BTBD10: variants seen among roughly 807,000 people sequenced by gnomAD.
BTBD10 encodes BTB domain containing 10.
Under a neutral mutation model 53.2 loss-of-function variants are expected in BTBD10, and 21 were observed. The ratio of observed to expected loss-of-function variants is 0.39; its 90% confidence interval spans 0.28 to 0.57. The LOEUF (loss-of-function observed/expected upper bound fraction) is 0.57, where lower values mean the gene tolerates loss of function less well. BTBD10 is among the 20% of genes least tolerant of loss of function. The probability of loss-of-function intolerance (pLI) is 0.53; values close to 1 mark genes in which losing one functional copy is unlikely to be tolerated. For missense variants in BTBD10, 360 were observed against 594.7 expected (o/e 0.61, Z 4.10); for synonymous variants, 149 against 192.7 (o/e 0.77, Z 1.88).
rs368273481 is a variant in BTBD10 at position 13,449,087 on chromosome 11, C to A, written c.-57-3906G>T. On this transcript the variant is annotated intron_variant, in intron 1 of 8. Coordinates refer to ENST00000278174, the MANE Select transcript of BTBD10 (RefSeq NM_032320.7). The stretch of plus-strand genomic sequence containing the variant: ...AGAAAAAGATGATGCAATTATTTCC[C>A]CTTCTCTTGGACATTCTGTCTAAAC... 1.1e-3 allele frequency among the ~76,000 whole-genome samples: 160 copies of A among 152,232 alleles called. 5 individuals are homozygous for A. The South Asian group carries it at 0.026, about 25-fold the overall frequency.
intron 4 of BTBD10, 56 bp downstream of exon 4, chr11:13,419,404 A>C (rs1356140360): frequency 6.4e-7 from 1 of 1,565,148 alleles, no homozygotes; most frequent in Non-Finnish European, 8.6e-7. Flanking sequence ...ACAAAAAAAT[A>C]ATGGCAGTAA....
chr11:13,446,061 G>A (rs1358184506), intron 1 of BTBD10, among the ~76,000 whole-genome samples: 3 of 152,086 alleles, frequency 2.0e-5, no homozygotes, highest in Non-Finnish European at 4.4e-5. Flanking sequence ...TCTTGATCTC[G>A]AAAAATGCTG....
intron 1 of BTBD10, among the ~76,000 whole-genome samples, chr11:13,460,281 C>CA (rs760857007): frequency 6.6e-6 from 1 of 152,186 alleles, no homozygotes; most frequent in Non-Finnish European, 1.5e-5. Context: ...GCACAATACA[C>CA]AAATGGGTAC....
intron 6 of BTBD10, among the ~76,000 whole-genome samples, chr11:13,406,118 A>G (rs1297375293): frequency 6.6e-6 from 1 of 152,166 alleles, no homozygotes; most frequent in Non-Finnish European, 1.5e-5. Context: ...TATCTTAAAG[A>G]TACTTTTCAG....
intron 8 of BTBD10, among the ~76,000 whole-genome samples, chr11:13,398,370 C>CTTTTTTG (rs1176190409): frequency 6.6e-6 from 1 of 151,608 alleles, no homozygotes; most frequent in African/African-American, 2.4e-5. Flanking sequence ...GAAACCCCTG[C>CTTTTTTG]CTTTTTTTGT....
At chr11:13,391,841 G>A (rs1450353439) in intron 8 of BTBD10, among the ~76,000 whole-genome samples, 2 of 152,232 alleles carry the variant, frequency 1.3e-5, no homozygotes, top group Non-Finnish European at 2.9e-5. Context: ...CTACTCGGGA[G>A]GCTGAGACAG....
intron 2 of BTBD10, among the ~76,000 whole-genome samples, chr11:13,425,705 C>T (rs11022818): frequency 0.16 from 23,897 of 151,932 alleles, 2,068 homozygotes; most frequent in Admixed American, 0.24. Context: ...TTATATATTA[C>T]CAAATGGTTA....
intron 1 of BTBD10, among the ~76,000 whole-genome samples, chr11:13,448,203 A>G (rs551480805): frequency 6.6e-6 from 1 of 152,264 alleles, no homozygotes; most frequent in African/African-American, 2.4e-5. Context: ...AGAAAGGGGA[A>G]AAAAGACACC....
chr11:13,397,438 CTTT>C (rs1949585277), intron 8 of BTBD10, among the ~76,000 whole-genome samples: 1 of 152,078 alleles, frequency 6.6e-6, no homozygotes, highest in Admixed American at 6.5e-5. Flanking sequence ...CTCTTTTCTT[CTTT>C]GTTTGTCTTG....
intron 2 of BTBD10, among the ~76,000 whole-genome samples, chr11:13,431,078 T>C (rs1380300314): frequency 6.6e-6 from 1 of 151,664 alleles, no homozygotes; most frequent in Non-Finnish European, 1.5e-5. Context: ...AATACCAAAA[T>C]AGAAAACAAC....
At chr11:13,449,758 G>A (rs1950820156) in intron 1 of BTBD10, among the ~76,000 whole-genome samples, 2 of 152,174 alleles carry the variant, frequency 1.3e-5, no homozygotes, top group African/African-American at 4.8e-5. Flanking sequence ...AGGTAGAAAG[G>A]CAAGAGAACT....
chr11:13,448,939 T>A (rs10741618), intron 1 of BTBD10, among the ~76,000 whole-genome samples: 1 of 152,186 alleles, frequency 6.6e-6, no homozygotes, highest in Non-Finnish European at 1.5e-5. Context: ...TTCATTACTA[T>A]GTTTAGGCAT....
chr11:13,461,248 CATG>C (rs1230422696), intron 1 of BTBD10, among the ~76,000 whole-genome samples: 1 of 152,126 alleles, frequency 6.6e-6, no homozygotes, highest in Non-Finnish European at 1.5e-5. Context: ...GATTCAGTCA[CATG>C]ATATTTTTAA....
At chr11:13,440,645 T>C (rs933054777) in intron 2 of BTBD10, among the ~76,000 whole-genome samples, 7 of 152,190 alleles carry the variant, frequency 4.6e-5, no homozygotes, top group Non-Finnish European at 1.0e-4. Context: ...AAAGGGAAAC[T>C]GGAATGTTCA....
At chr11:13,445,623 T>C (rs1484227354) in intron 1 of BTBD10, among the ~76,000 whole-genome samples, 1 of 152,220 alleles carries the variant, frequency 6.6e-6, no homozygotes, top group Non-Finnish European at 1.5e-5. Flanking sequence ...AATGTTATTA[T>C]TTCTTTAATG....
At chr11:13,444,760 T>C (rs978361267) in intron 2 of BTBD10, among the ~76,000 whole-genome samples, 1 of 152,164 alleles carries the variant, frequency 6.6e-6, no homozygotes, top group South Asian at 2.1e-4. Flanking sequence ...CCCAATTAAG[T>C]AAATTATAGC....
At chr11:13,391,348 G>T (rs1416868227) in intron 8 of BTBD10, among the ~76,000 whole-genome samples, 1 of 151,994 alleles carries the variant, frequency 6.6e-6, no homozygotes, top group Non-Finnish European at 1.5e-5. Flanking sequence ...TTTTATCCCT[G>T]GCAAAAACAT....
intron 5 of BTBD10, among the ~76,000 whole-genome samples, chr11:13,414,419 C>T (rs368754571): frequency 1.6e-4 from 25 of 152,024 alleles, no homozygotes; most frequent in Admixed American, 1.6e-3. Context: ...TTTGGGAGGC[C>T]GAGGTAGACA....
At chr11:13,455,715 G>A (rs1422684160) in intron 1 of BTBD10, among the ~76,000 whole-genome samples, 40 of 152,168 alleles carry the variant, frequency 2.6e-4, no homozygotes, top group Admixed American at 2.3e-3. Context: ...TCCTGAAGCT[G>A]ATGCCTAAAT....
Sources: gnomAD v4.1 joint callset for allele counts (sites outside exome capture counted in the v4.1 genomes callset) on GRCh38, gnomAD v4.1.1 for gene constraint, MANE v1.5 for transcripts, NCBI Gene and HGNC (gene_info 2026-07-23, HGNC 2026-07-21) for gene names.